CAST: variants seen among roughly 807,000 people sequenced by gnomAD.
CAST encodes calpastatin.
CAST carries 76 observed loss-of-function variants against 119.6 expected under a neutral mutation model. That is an observed-to-expected ratio of 0.64 (90% CI 0.53 to 0.77). The LOEUF is 0.77. Ranked by LOEUF, CAST falls within the 30% of genes least tolerant of loss-of-function variation. The pLI, the probability that CAST is intolerant of heterozygous loss-of-function variation, is 0.00. For missense variants in CAST, 953 were observed against 946.5 expected (o/e 1.01, Z -0.09); for synonymous variants, 319 against 331.6 (o/e 0.96, Z 0.41).
intron 3 of CAST, among the ~76,000 whole-genome samples, chr5:96,710,582 GAGCT>G (rs1333514554): frequency 6.6e-6 from 1 of 152,076 alleles, no homozygotes; most frequent in African/African-American, 2.4e-5. Context: ...AAGAACCACT[GAGCT>G]ACAGTGTTAA....
At chr5:96,184,711 T>A in the CAST span, among the ~76,000 whole-genome samples, 1 of 152,358 alleles carries the variant, frequency 6.6e-6, no homozygotes, top group East Asian at 1.9e-4. Flanking sequence ...CTGCATAGTA[T>A]TCCATGGTGT....
At chr5:96,413,282 C>T in the CAST span, among the ~76,000 whole-genome samples, 3 of 152,306 alleles carry the variant, frequency 2.0e-5, no homozygotes, top group South Asian at 2.1e-4. Context: ...TGCTTTCCAA[C>T]AGGCTGTCAC....
At chr5:96,132,789 G>T in the CAST span, among the ~76,000 whole-genome samples, 1 of 152,130 alleles carries the variant, frequency 6.6e-6, no homozygotes, top group African/African-American at 2.4e-5. Context: ...ACACAGTCTT[G>T]CAAATTGAAG....
At chr5:96,328,207 A>T in the CAST span, among the ~76,000 whole-genome samples, 1 of 152,176 alleles carries the variant, frequency 6.6e-6, no homozygotes, top group Non-Finnish European at 1.5e-5. Context: ...AACTCATGGC[A>T]TCTGTCAGCT....
At chr5:96,736,595 TA>T (rs1761694627) in intron 10 of CAST, among the ~76,000 whole-genome samples, 4 of 152,152 alleles carry the variant, frequency 2.6e-5, no homozygotes, top group Admixed American at 2.6e-4. Context: ...AGAATCAGTG[TA>T]AGCCTAACAG....
the CAST span, among the ~76,000 whole-genome samples, chr5:96,269,869 GAGA>G: frequency 1.3e-5 from 2 of 152,116 alleles, no homozygotes; most frequent in African/African-American, 2.4e-5. Flanking sequence ...TAAAAAAATT[GAGA>G]AGGAGGGAAT....
the CAST span, among the ~76,000 whole-genome samples, chr5:96,066,306 A>G: frequency 6.6e-6 from 1 of 151,954 alleles, no homozygotes. Flanking sequence ...CTTATCTCTT[A>G]TGATTTCTGA....
the CAST span, chr5:96,393,115 A>C: frequency 1.2e-6 from 2 of 1,614,184 alleles, no homozygotes; most frequent in South Asian, 1.1e-5. Context: ...GACTGTCTTC[A>C]GAGTCTTTAA....
chr5:96,708,913 C>G (rs889280916), intron 3 of CAST, among the ~76,000 whole-genome samples: 7 of 152,216 alleles, frequency 4.6e-5, no homozygotes, highest in Admixed American at 3.3e-4. Flanking sequence ...TGCTATTTTA[C>G]TTCCTGATTA....
chr5:96,737,471 T>C (rs1442768079), intron 10 of CAST, among the ~76,000 whole-genome samples: 1 of 152,232 alleles, frequency 6.6e-6, no homozygotes, highest in East Asian at 1.9e-4. Flanking sequence ...GCATTTCCCT[T>C]ATCGCTTAGA....
chr5:96,771,729 A>T, intron 31 of CAST, 27 bp downstream of exon 31: 2 of 1,422,360 alleles, frequency 1.4e-6, no homozygotes, highest in Non-Finnish European at 2.0e-6. Flanking sequence ...TTTGTAAATG[A>T]AGACAACTGT....
chr5:96,493,855 C>T, the CAST span, among the ~76,000 whole-genome samples: 1 of 151,950 alleles, frequency 6.6e-6, no homozygotes, highest in African/African-American at 2.4e-5. Context: ...GCCAATATGG[C>T]AAAACCTTGT....
At chr5:96,414,489 G>A in the CAST span, among the ~76,000 whole-genome samples, 20 of 152,118 alleles carry the variant, frequency 1.3e-4, no homozygotes, top group African/African-American at 4.8e-4. Context: ...TTAACCACCA[G>A]GATACACTGC....
At chr5:96,582,818 C>T (rs1746792024) in intron 1 of CAST, among the ~76,000 whole-genome samples, 1 of 152,160 alleles carries the variant, frequency 6.6e-6, no homozygotes, top group African/African-American at 2.4e-5. Context: ...TTTTAACACA[C>T]TAGAAACCAT....
At chr5:96,482,014 G>A in the CAST span, among the ~76,000 whole-genome samples, 1 of 152,126 alleles carries the variant, frequency 6.6e-6, no homozygotes, top group Admixed American at 6.6e-5. Context: ...ACTCTTACAT[G>A]AGCATGGTAA....
the CAST span, among the ~76,000 whole-genome samples, chr5:96,377,723 G>A: frequency 6.6e-6 from 1 of 152,006 alleles, no homozygotes; most frequent in East Asian, 1.9e-4. Flanking sequence ...GTATATATGT[G>A]CAACTATTTA....
the CAST span, among the ~76,000 whole-genome samples, chr5:96,354,483 A>G: frequency 1.1e-4 from 16 of 152,190 alleles, no homozygotes; most frequent in Non-Finnish European, 1.9e-4. Flanking sequence ...ATAATGCAAC[A>G]AATGCTGCCA....
At chr5:96,548,814 A>G (rs1224153820) in intron 1 of CAST, among the ~76,000 whole-genome samples, 2 of 152,242 alleles carry the variant, frequency 1.3e-5, no homozygotes, top group Non-Finnish European at 2.9e-5. Flanking sequence ...TTAAATTTGA[A>G]CATTGGATAA....
chr5:96,588,196 C>CTTTTTTTTTTTTTTTTTTTTTT (rs140665192), intron 1 of CAST, among the ~76,000 whole-genome samples: 5 of 75,842 alleles, frequency 6.6e-5, no homozygotes, highest in Non-Finnish European at 8.7e-5. Flanking sequence ...TTCTTTCTTT[C>CTTTTTTTTTTTTTTTTTTTTTT]TTTTTTTTTT....
Sources: allele counts gnomAD v4.1 joint callset (sites outside exome capture counted in the v4.1 genomes callset), GRCh38; gene constraint gnomAD v4.1.1; transcripts MANE v1.5; gene names NCBI Gene and HGNC (gene_info 2026-07-23, HGNC 2026-07-21).